The following SPMIP2 variants were observed in gnomAD, a reference collection of about 807,000 sequenced individuals.
The protein encoded by SPMIP2 is protein SPMIP2.
At chr4:159,025,451 C>T in the SPMIP2 span, among the ~76,000 whole-genome samples, 2 of 152,142 alleles carry the variant, frequency 1.3e-5, no homozygotes, top group Non-Finnish European at 2.9e-5. Flanking sequence ...AGGAGTGAGC[C>T]AGCACACCCA....
At chr4:158,968,437 A>G in the SPMIP2 span, among the ~76,000 whole-genome samples, 50,046 of 152,096 alleles carry the variant, frequency 0.33, 8,458 homozygotes, top group South Asian at 0.44. Flanking sequence ...TGCATACCTT[A>G]TAAGATAAAG....
chr4:159,047,738 T>C, the SPMIP2 span, among the ~76,000 whole-genome samples: 1 of 152,162 alleles, frequency 6.6e-6, no homozygotes, highest in Non-Finnish European at 1.5e-5. Context: ...TAGTTGACAG[T>C]GAGGTTGCCC....
the SPMIP2 span, among the ~76,000 whole-genome samples, chr4:158,936,542 C>T: frequency 3.3e-5 from 5 of 152,256 alleles, no homozygotes; most frequent in Non-Finnish European, 7.3e-5. Flanking sequence ...TTTCCATTTC[C>T]AAAAGTACTA....
the SPMIP2 span, among the ~76,000 whole-genome samples, chr4:158,956,962 C>T: frequency 8.5e-4 from 130 of 152,160 alleles, no homozygotes; most frequent in Non-Finnish European, 1.2e-3. Context: ...GATGGAGTCT[C>T]GCTCTATTGC....
the SPMIP2 span, among the ~76,000 whole-genome samples, chr4:159,081,570 A>G: frequency 6.6e-6 from 1 of 151,948 alleles, no homozygotes; most frequent in African/African-American, 2.4e-5. Context: ...GCACTCCTGC[A>G]GTCCTAGCTA....
the SPMIP2 span, among the ~76,000 whole-genome samples, chr4:158,931,559 G>A: frequency 1.3e-5 from 2 of 151,544 alleles, no homozygotes; most frequent in Non-Finnish European, 2.9e-5. Context: ...GCCCAGCCCA[G>A]AAATTATCAT....
chr4:158,930,324 C>T, the SPMIP2 span, among the ~76,000 whole-genome samples: 1 of 152,010 alleles, frequency 6.6e-6, no homozygotes, highest in Non-Finnish European at 1.5e-5. Context: ...CAATCCTCCC[C>T]ACCACAGCCT....
chr4:159,057,868 T>G, the SPMIP2 span, among the ~76,000 whole-genome samples: 12 of 152,046 alleles, frequency 7.9e-5, no homozygotes, highest in South Asian at 4.2e-4. Flanking sequence ...AAGTTGGTTG[T>G]TTGTTTGTTT....
At chr4:158,904,540 T>TA in the SPMIP2 span, 1 of 1,612,516 alleles carries the variant, frequency 6.2e-7, no homozygotes, top group Non-Finnish European at 8.5e-7. Flanking sequence ...CAAATACTCT[T>TA]ATAAGCTAAA....
chr4:158,981,806 C>CAAAAAAAAAAAAA, the SPMIP2 span, among the ~76,000 whole-genome samples: 1 of 77,304 alleles, frequency 1.3e-5, no homozygotes, highest in Non-Finnish European at 2.4e-5. Context: ...AACTAATGGG[C>CAAAAAAAAAAAAA]AAAAAAAAAA....
At chr4:158,990,573 T>C in the SPMIP2 span, among the ~76,000 whole-genome samples, 3 of 152,224 alleles carry the variant, frequency 2.0e-5, no homozygotes, top group African/African-American at 4.8e-5. Flanking sequence ...GATGAGGTCA[T>C]GTTCTTTGCA....
chr4:159,054,041 GTCAC>G, the SPMIP2 span, among the ~76,000 whole-genome samples: 1 of 152,230 alleles, frequency 6.6e-6, no homozygotes, highest in African/African-American at 2.4e-5. Context: ...TGGTGCAATC[GTCAC>G]TCACTGCAGT....
the SPMIP2 span, among the ~76,000 whole-genome samples, chr4:158,932,731 A>G: frequency 6.6e-6 from 1 of 152,152 alleles, no homozygotes; most frequent in Non-Finnish European, 1.5e-5. Flanking sequence ...GTCAAAAATG[A>G]CATTTCTTTG....
chr4:158,964,764 G>A, the SPMIP2 span, among the ~76,000 whole-genome samples: 80,780 of 152,058 alleles, frequency 0.53, 22,635 homozygotes, highest in South Asian at 0.64. Context: ...CCACATGACT[G>A]GGGAGGCCTC....
At chr4:158,958,153 C>T in the SPMIP2 span, among the ~76,000 whole-genome samples, 1 of 152,050 alleles carries the variant, frequency 6.6e-6, no homozygotes, top group Non-Finnish European at 1.5e-5. Flanking sequence ...TGTGTACCAC[C>T]ACTCCTGACT....
chr4:159,048,951 C>T, the SPMIP2 span, among the ~76,000 whole-genome samples: 8 of 151,678 alleles, frequency 5.3e-5, no homozygotes, highest in Non-Finnish European at 5.9e-5. Context: ...GAGTATAAAA[C>T]GTGGGCTTTT....
chr4:158,958,489 G>A, the SPMIP2 span, among the ~76,000 whole-genome samples: 2 of 152,138 alleles, frequency 1.3e-5, no homozygotes, highest in African/African-American at 2.4e-5. Flanking sequence ...TCCTCCCCTA[G>A]AATACAAGTT....
At chr4:159,051,278 G>A in the SPMIP2 span, among the ~76,000 whole-genome samples, 3 of 152,276 alleles carry the variant, frequency 2.0e-5, no homozygotes, top group East Asian at 5.8e-4. Context: ...TTCTGGAAAA[G>A]GTATCTAGCA....
the SPMIP2 span, among the ~76,000 whole-genome samples, chr4:158,995,297 A>G: frequency 3.3e-5 from 5 of 152,162 alleles, no homozygotes; most frequent in African/African-American, 1.2e-4. Context: ...TTACTAATTA[A>G]ACTGCTTCCA....
Sources: allele counts gnomAD v4.1 joint callset (sites outside exome capture counted in the v4.1 genomes callset), GRCh38; gene constraint gnomAD v4.1.1; transcripts MANE v1.5; gene names NCBI Gene and HGNC (gene_info 2026-07-23, HGNC 2026-07-21).